The following NUCKS1 variants were observed in gnomAD, a reference collection of about 807,000 sequenced individuals.
The protein encoded by NUCKS1 is nuclear casein kinase and cyclin dependent kinase substrate 1.
NUCKS1 carries 2 observed loss-of-function variants against 33.0 expected under a neutral mutation model. The ratio of observed to expected loss-of-function variants is 0.06; its 90% CI spans 0.02 to 0.19. NUCKS1 has a LOEUF of 0.19. Among genes scored for constraint, NUCKS1 ranks in the 10% least tolerant of loss-of-function variants. The pLI is 1.00. For synonymous variants in NUCKS1, 106 were observed against 102.8 expected (o/e 1.03, Z -0.19); for missense variants, 201 against 293.6 (o/e 0.68, Z 2.31).
chr1:205,733,183 G>A (rs555725721), intron 1 of NUCKS1, among the ~76,000 whole-genome samples: 8 of 152,270 alleles, frequency 5.3e-5, no homozygotes, highest in Admixed American at 3.9e-4. Flanking sequence ...TGGGTACGAC[G>A]TAGCAATGGA....
At position 205,719,634 on chromosome 1, in the gene NUCKS1, T is replaced by A; in HGVS notation, c.425A>T (p.Asp142Val). 3 of 1,613,506 alleles carry A rather than the reference T, an allele frequency of 1.9e-6. No homozygotes were observed. The highest frequency in any genetic ancestry group is 2.5e-6 in the Non-Finnish European group (3 of 1,179,822). ...SDEDFLMEDD[D>V]DSDYGSSKKK... ...TTTCGAACTGCCATAGTCACTATCG[T>A]CATCATCTTCCATTAGGAAATCTTC... Residue 142 changes from aspartate (D) to valine (V), a missense_variant, in exon 6 of 7, where the codon GAC becomes GTC. Physicochemically the swap from Asp to Val is radical, Grantham distance 152 (BLOSUM62 -3). Transcript: ENST00000367142.
intron 1 of NUCKS1, among the ~76,000 whole-genome samples, chr1:205,744,630 G>GTGTTTT (rs1553253161): frequency 2.3e-5 from 2 of 87,786 alleles, no homozygotes; most frequent in Non-Finnish European, 4.0e-5. Flanking sequence ...GTTCACTAGA[G>GTGTTTT]TTTTTTTTTT....
chr1:205,729,229 A>C (rs1653850400), intron 2 of NUCKS1, among the ~76,000 whole-genome samples: 1 of 152,240 alleles, frequency 6.6e-6, no homozygotes, highest in Non-Finnish European at 1.5e-5. Context: ...TTGGCCTCCC[A>C]AAGTGCTGGG....
chr1:205,748,192 A>G (rs947884108), intron 1 of NUCKS1, among the ~76,000 whole-genome samples: 2 of 152,332 alleles, frequency 1.3e-5, no homozygotes, highest in Middle Eastern at 3.4e-3. Flanking sequence ...GTTTTCCAGT[A>G]AAAATGTTCT....
At chr1:205,737,190 C>A (rs898035806) in intron 1 of NUCKS1, among the ~76,000 whole-genome samples, 2 of 152,170 alleles carry the variant, frequency 1.3e-5, no homozygotes, top group South Asian at 2.1e-4. Context: ...TATGACCCTC[C>A]TCTTCCTATT....
Position 205,719,670 on chromosome 1 carries a change from G to A in NUCKS1, c.389C>T (p.Ser130Phe), listed in dbSNP as rs1055412677. 3 of 1,607,168 alleles carry A rather than the reference G, an allele frequency of 1.9e-6. No homozygotes were observed. The highest frequency in any genetic ancestry group is 2.5e-6 in the Non-Finnish European group (3 of 1,178,298). Residue 130 changes from serine (S) to phenylalanine (F), a missense_variant, in exon 6 of 7, where the codon TCC becomes TTC. By Grantham distance (155) the Ser-to-Phe change is radical. Transcript: ENST00000367142. The part of the protein sequence containing the change: ...EDEAPFQEKD[S>F]GSDEDFLMED... ...CATTAGGAAATCTTCATCGCTGCCGGAATCTTCTGAGAAGAAAGAAGAATT... is the reference window on the plus strand; with the variant it reads ...CATTAGGAAATCTTCATCGCTGCCGAAATCTTCTGAGAAGAAAGAAGAATT...
At position 205,717,794 on chromosome 1, in the gene NUCKS1, T is replaced by C; in HGVS notation, c.*486A>G. ...AAACTCATATTAGATGACAATTGATTTTTTAAAAGTCCAGGTAGAGAAAGG... is the reference window on the plus strand; with the variant it reads ...AAACTCATATTAGATGACAATTGATCTTTTAAAAGTCCAGGTAGAGAAAGG... On this transcript the variant is annotated 3_prime_UTR_variant, in exon 7 of 7. Coordinates refer to ENST00000367142, the MANE Select transcript of NUCKS1 (RefSeq NM_022731.5). 1.0e-6 allele frequency: 1 copy of C among 985,322 alleles called. No individual in the cohort carries two copies. Among genetic ancestry groups the C allele is most frequent in the Non-Finnish European group, 1.2e-6 (1 of 829,788 alleles). 61.0% of individuals were successfully genotyped at this position (985,322 alleles called of 1,614,324 possible).
intron 1 of NUCKS1, among the ~76,000 whole-genome samples, chr1:205,746,666 G>T (rs1383194640): frequency 6.6e-6 from 1 of 152,070 alleles, no homozygotes. Flanking sequence ...TAGAATCCAG[G>T]CATGGCCCAA....
At chr1:205,746,447 TCTCTCTCACACACA>T (rs1451571011) in intron 1 of NUCKS1, among the ~76,000 whole-genome samples, 133 of 88,730 alleles carry the variant, frequency 1.5e-3, no homozygotes, top group African/African-American at 5.0e-3. Flanking sequence ...TCTCTCTCTC[TCTCTCTCACACACA>T]CACACACACA....
chr1:205,719,478 C>A, intron 6 of NUCKS1, 49 bp downstream of exon 6: 1 of 1,547,238 alleles, frequency 6.5e-7, no homozygotes, highest in Non-Finnish European at 8.7e-7. Context: ...AATAATGATT[C>A]TCAAAATTTT....
intron 1 of NUCKS1, among the ~76,000 whole-genome samples, chr1:205,740,169 A>AT (rs1004165710): frequency 7.4e-5 from 11 of 149,246 alleles, no homozygotes; most frequent in Non-Finnish European, 1.5e-4. Context: ...CAGCTGGCTA[A>AT]TTTTTTTTTA....
In NUCKS1 at chr1:205,749,983, C is replaced by T. The variant is rs1241102465; in HGVS notation, c.-10G>A. 1 of 1,601,446 alleles carries T rather than the reference C, an allele frequency of 6.2e-7. No homozygotes were observed. The highest frequency in any genetic ancestry group is 8.5e-7 in the Non-Finnish European group (1 of 1,172,860). On this transcript the variant is annotated 5_prime_UTR_variant, in exon 1 of 7. Transcript: ENST00000367142. ...TGACAGGCCGCGACATGTTCGCTGT[C>T]GAAACAGGACCGAGTCGAGAAGCCA...
intron 1 of NUCKS1, among the ~76,000 whole-genome samples, chr1:205,744,224 C>T (rs186214792): frequency 1.3e-5 from 2 of 152,192 alleles, no homozygotes; most frequent in African/African-American, 2.4e-5. Context: ...GAAAAGATCA[C>T]GAACTGGCTT....
chr1:205,749,524 G>T (rs928951966), intron 1 of NUCKS1, among the ~76,000 whole-genome samples: 1 of 151,912 alleles, frequency 6.6e-6, no homozygotes, highest in Non-Finnish European at 1.5e-5. Context: ...GGGGCAATAC[G>T]GGTGCCTCCG....
At chr1:205,729,772 A>G (rs1653863007) in intron 1 of NUCKS1, 151 bp from the exon 2 acceptor site, 2 of 674,818 alleles carry the variant, frequency 3.0e-6, no homozygotes, top group African/African-American at 3.6e-5. Flanking sequence ...CTGTAATCCC[A>G]GCACTTTGGG....
rs553481182 is a variant in NUCKS1, at chr1:205,729,451, T to TCA, written c.67+120_67+121insTG. On this transcript the variant is annotated intron_variant, in intron 2 of 6. Coordinates refer to ENST00000367142, the MANE Select transcript of NUCKS1 (RefSeq NM_022731.5). ...TGGTTGACACAGATCATGACATGGT[T>TCA]TTGGTAAATGATCTAAAAATAAAAA... 162 of 780,484 alleles carry TCA rather than the reference T, an allele frequency of 2.1e-4. 1 individual carries two copies. The African/African-American group carries it at 2.5e-3, about 12-fold the overall frequency. The allele number at this position is 780,484 out of a possible 1,614,324, so 48.3% of individuals were successfully genotyped here. A position where few individuals can be genotyped will look rare whatever the true frequency, so the allele number is the denominator to read the frequency against.
intron 6 of NUCKS1, among the ~76,000 whole-genome samples, chr1:205,718,948 C>T (rs955546063): frequency 1.3e-5 from 2 of 152,148 alleles, no homozygotes; most frequent in East Asian, 3.8e-4. Flanking sequence ...AGAAGTTTAA[C>T]AATGACTAGT....
At chr1:205,742,518 T>C (rs1654203291) in intron 1 of NUCKS1, among the ~76,000 whole-genome samples, 1 of 152,160 alleles carries the variant, frequency 6.6e-6, no homozygotes, top group African/African-American at 2.4e-5. Context: ...GGTCTTGTGC[T>C]AAAAAATAAA....
At chr1:205,720,729 T>C (rs1050504582) in intron 4 of NUCKS1, 76 bp from the exon 5 acceptor site, 43 of 1,393,528 alleles carry the variant, frequency 3.1e-5, no homozygotes, top group Admixed American at 4.4e-5. Flanking sequence ...AGATTAATAA[T>C]TGACTGAAAA....
Sources: allele counts gnomAD v4.1 joint callset (sites outside exome capture counted in the v4.1 genomes callset), GRCh38; gene constraint gnomAD v4.1.1; transcripts MANE v1.5; gene names NCBI Gene and HGNC (gene_info 2026-07-23, HGNC 2026-07-21).